ZNF816: variants seen among roughly 807,000 people sequenced by gnomAD.
The protein encoded by ZNF816 is zinc finger protein 816A.
A neutral mutation model predicts 8.3 loss-of-function variants in ZNF816; 11 were observed. The ratio of observed to expected loss-of-function variants is 1.32; its 90% CI spans 0.83 to 2.19. The LOEUF is 2.19. Ranked by LOEUF, ZNF816 falls within the 30% of genes most tolerant of loss-of-function variation. The pLI is 0.00. For synonymous variants in ZNF816, 255 were observed against 254.5 expected (o/e 1.00, Z -0.02); for missense variants, 710 against 779.3 (o/e 0.91, Z 1.06).
rs550160893 is a variant in ZNF816, at chr19:52,961,600, T to C, written c.-16+1127A>G. ...ACCCCCGTTAGAGAAAAAGAGAAGG[T>C]GTAATCCTGACGGTCAATAGGACAA... On this transcript the variant is annotated intron_variant, in intron 1 of 3. Coordinates refer to ENST00000444460, the MANE Select transcript of ZNF816 (RefSeq NM_001202457.3). Among the ~76,000 whole-genome samples the C allele has an allele frequency of 2.6e-5, 4 of 152,268 alleles. No individual in the cohort carries two copies. In the South Asian group the frequency reaches 8.3e-4, roughly 32 times the overall value.
chr19:52,955,013 C>T (rs1019797202), intron 2 of ZNF816, among the ~76,000 whole-genome samples: 1 of 151,870 alleles, frequency 6.6e-6, no homozygotes. Context: ...TTTTACTACA[C>T]AACACATATA....
At position 52,950,739 on chromosome 19, in the gene ZNF816, A is replaced by C; in HGVS notation, c.1036T>G (p.Cys346Gly). 3 of 1,614,150 alleles carry C rather than the reference A, an allele frequency of 1.9e-6. No individual in the cohort carries two copies. Among genetic ancestry groups the C allele is most frequent in the Non-Finnish European group, 2.5e-6 (3 of 1,180,036 alleles). The change falls in exon 4 of 4, where the codon TGT becomes GGT. Residue 346 changes from cysteine (C) to glycine (G), a missense_variant. By Grantham distance (159) the Cys-to-Gly change is radical. Coordinates refer to ENST00000444460, the MANE Select transcript of ZNF816 (RefSeq NM_001202457.3). The stretch of plus-strand genomic sequence containing the variant: ...GAATTTCGACCAAAAGTCTTGCCAC[A>C]CTCATTACACTTGTAAGGTTTCTCT... Reference protein sequence around the residue: ...TGEKPYKCNECGKTFGRNSAL... With the variant: ...TGEKPYKCNEGGKTFGRNSAL...
chr19:52,951,709 A>G, intron 3 of ZNF816, 125 bp from the exon 4 acceptor site: 1 of 977,842 alleles, frequency 1.0e-6, no homozygotes, highest in Non-Finnish European at 1.5e-6. Context: ...TGTGATCTTC[A>G]TAGTTTAAGA....
At chr19:52,952,462 T>C in intron 3 of ZNF816, 1 of 502,568 alleles carries the variant, frequency 2.0e-6, no homozygotes, top group Admixed American at 3.7e-5. Flanking sequence ...TCCTGGGCCA[T>C]GCTGACCATT....
rs114212069 is a variant in ZNF816, at chr19:52,956,120, G to T, written c.-15-16C>A. ...TTTGGAAATCCTGTATGTTAAAAAA[G>T]CAAGAGATTTAATATTTAGAAACCA... On this transcript the variant is annotated splice_polypyrimidine_tract_variant and intron_variant, in intron 1 of 3. Coordinates refer to ENST00000444460, the MANE Select transcript of ZNF816 (RefSeq NM_001202457.3). 1,058 of 1,596,738 alleles carry T rather than the reference G, an allele frequency of 6.6e-4. 8 individuals carry two copies. The African/African-American group carries it at 0.013, about 20-fold the overall frequency.
At position 52,949,762 on chromosome 19, in the gene ZNF816, T is replaced by C; in HGVS notation, c.*57A>G. 12 of 1,609,452 alleles carry C rather than the reference T, an allele frequency of 7.5e-6. No homozygotes were observed. The highest frequency in any genetic ancestry group is 1.0e-5 in the Non-Finnish European group (12 of 1,177,506). On this transcript the variant is annotated 3_prime_UTR_variant, in exon 4 of 4. Coordinates refer to ENST00000444460, the MANE Select transcript of ZNF816 (RefSeq NM_001202457.3). ...TACACTTGTAGATCTCTCTTCAATA[T>C]GGATTCTGTAATGATTTGCAATGGT...
At position 52,959,759 on chromosome 19, in the gene ZNF816, G is replaced by A. The variant is rs577045475; in HGVS notation, c.-16+2968C>T. On this transcript the variant is annotated intron_variant, in intron 1 of 3. Coordinates refer to ENST00000444460, the MANE Select transcript of ZNF816 (RefSeq NM_001202457.3). ...GCAAGAAATCTTGCAATTATTAGAA[G>A]CAGCATAGAAACCCCACAATGTGGC... Among the ~76,000 whole-genome samples the A allele has an allele frequency of 1.4e-3, 220 of 152,236 alleles. 1 individual carries two copies. Among genetic ancestry groups the A allele is most frequent in the African/African-American group, 5.0e-3 (207 of 41,538 alleles).
At chr19:52,956,184 A>G in intron 1 of ZNF816, 80 bp from the exon 2 acceptor site, 4 of 1,471,500 alleles carry the variant, frequency 2.7e-6, no homozygotes, top group Non-Finnish European at 3.7e-6. Flanking sequence ...ACACAGGGGA[A>G]ACCTCACCCG....
rs139377623 is a variant in ZNF816 at position 52,956,328 on chromosome 19, C to T, written c.-15-224G>A. ...CCCCTCCTGGAAAAGTCCACACACA[C>T]GCTGCAGCAGGACACAGATCTTCAG... On this transcript the variant is annotated intron_variant, in intron 1 of 3. Transcript: ENST00000444460. 2,276 of 465,198 alleles carry T rather than the reference C, an allele frequency of 4.9e-3. 4 individuals are homozygous for T. Among genetic ancestry groups the T allele is most frequent in the Non-Finnish European group, 6.9e-3 (1,792 of 259,402 alleles). 28.8% of individuals were successfully genotyped at this position (465,198 alleles called of 1,614,324 possible). A position where few individuals can be genotyped will look rare whatever the true frequency, so the allele number is the denominator to read the frequency against.
intron 3 of ZNF816, 89 bp from the exon 4 acceptor site, chr19:52,951,673 G>T: frequency 8.1e-7 from 1 of 1,236,908 alleles, no homozygotes; most frequent in Non-Finnish European, 1.1e-6. Flanking sequence ...TACACAAAAA[G>T]CAATACTTAT....
intron 2 of ZNF816, among the ~76,000 whole-genome samples, chr19:52,953,540 T>C (rs887965977): frequency 0.014 from 631 of 45,550 alleles, 6 homozygotes; most frequent in African/African-American, 0.02. Context: ...ATATAATATA[T>C]AATACAATAT....
chr19:52,953,234 A>C (rs1362413375), intron 2 of ZNF816: 1 of 208,210 alleles, frequency 4.8e-6, no homozygotes, highest in African/African-American at 6.5e-5. Flanking sequence ...TCTACTAAAA[A>C]TACAAAAAAA....
At chr19:52,960,977 T>C (rs1173142441) in intron 1 of ZNF816, among the ~76,000 whole-genome samples, 2 of 152,222 alleles carry the variant, frequency 1.3e-5, no homozygotes, top group Non-Finnish European at 2.9e-5. Flanking sequence ...TTTAGACTTG[T>C]ACAGTAAAGG....
rs1234770203 is a variant in ZNF816 at position 52,950,006 on chromosome 19, T to C, written c.1769A>G (p.Glu590Gly). 1 of 1,614,048 alleles carries C rather than the reference T, an allele frequency of 6.2e-7. No individual in the cohort carries two copies. The highest frequency in any genetic ancestry group is 1.7e-5 in the Admixed American group (1 of 60,004). Reference sequence around the variant, plus strand: ...ACATTCATTACACTTGTAAGGTTTCTCTCCAGTATGAACTCTCTGATGTTG... The same window carrying C: ...ACATTCATTACACTTGTAAGGTTTCCCTCCAGTATGAACTCTCTGATGTTG... ...LAQHQRVHTG[E>G]KPYKCNECGK... The change falls in exon 4 of 4, where the codon GAG (glutamate) becomes GGG (glycine). Residue 590 changes from glutamate to glycine, a missense_variant. By Grantham distance (98) the Glu-to-Gly change is moderately conservative. Transcript: ENST00000444460.
intron 1 of ZNF816, among the ~76,000 whole-genome samples, chr19:52,962,479 G>C (rs1257344387): frequency 1.3e-5 from 2 of 152,056 alleles, no homozygotes. Flanking sequence ...CTGGGGCTGC[G>C]GGGCTGCAAC....
chr19:52,958,281 C>T (rs960747466), intron 1 of ZNF816, among the ~76,000 whole-genome samples: 3 of 152,136 alleles, frequency 2.0e-5, no homozygotes, highest in Non-Finnish European at 2.9e-5. Flanking sequence ...GTACCTAACC[C>T]GTACACGTTA....
In ZNF816 at chr19:52,950,268, G is replaced by A. The variant is rs1363419422; in HGVS notation, c.1507C>T (p.His503Tyr). 9.9e-6 allele frequency: 16 copies of A among 1,613,364 alleles called. No homozygotes were observed. The highest frequency in any genetic ancestry group is 1.4e-5 in the Non-Finnish European group (16 of 1,179,876). Residue 503 changes from histidine to tyrosine, a missense_variant, in exon 4 of 4, where the codon CAT becomes TAT. By Grantham distance (83) the His-to-Tyr change is moderately conservative. Coordinates refer to ENST00000444460, the MANE Select transcript of ZNF816 (RefSeq NM_001202457.3). The part of the protein sequence containing the change: ...RENLARHHRL[H>Y]AGEKPYKCEE... ...CATTTGTAAGGTTTCTCTCCAGCATGAAGTCTATGATGACGTGCAAGGTTT... is the reference window on the plus strand; with the variant it reads ...CATTTGTAAGGTTTCTCTCCAGCATAAAGTCTATGATGACGTGCAAGGTTT...
At chr19:52,953,237 CAA>C in intron 2 of ZNF816, 7 of 224,926 alleles carry the variant, frequency 3.1e-5, no homozygotes, top group South Asian at 1.2e-4. Context: ...ACTAAAAATA[CAA>C]AAAAAAAACC....
At chr19:52,953,654 C>T (rs1426784977) in intron 2 of ZNF816, among the ~76,000 whole-genome samples, 1 of 132,868 alleles carries the variant, frequency 7.5e-6, no homozygotes, top group Admixed American at 8.1e-5. Flanking sequence ...ATATATATTA[C>T]AATATTGTAT....
Sources: gnomAD v4.1 joint callset for allele counts (sites outside exome capture counted in the v4.1 genomes callset) on GRCh38, gnomAD v4.1.1 for gene constraint, MANE v1.5 for transcripts, NCBI Gene and HGNC (gene_info 2026-07-23, HGNC 2026-07-21) for gene names.